The following NF1 variants were observed in gnomAD, a reference collection of about 807,000 sequenced individuals.
NF1 encodes neurofibromin.
Under a neutral mutation model 325.7 loss-of-function variants are expected in NF1, and 122 were observed. The ratio of observed to expected loss-of-function variants is 0.37; its 90% CI spans 0.32 to 0.44. The LOEUF is 0.44. Among genes scored for constraint, NF1 ranks in the 20% least tolerant of loss-of-function variants. The pLI is 1.00. For missense variants in NF1, 2,140 were observed against 3,415.4 expected (o/e 0.63, Z 9.31); for synonymous variants, 1,091 against 1,186.0 (o/e 0.92, Z 1.65).
intron 36 of NF1, among the ~76,000 whole-genome samples, chr17:31,283,301 C>T (rs1191473332): frequency 1.3e-5 from 2 of 151,878 alleles, no homozygotes; most frequent in Non-Finnish European, 2.9e-5. Flanking sequence ...CCTGTAGTCC[C>T]AGCTACTCGG....
rs148049537 is a variant in NF1, at chr17:31,279,316, C to T, written c.4835+13977C>T. Among the ~76,000 whole-genome samples, 13 of 152,308 alleles carry T rather than the reference C, an allele frequency of 8.5e-5. No homozygotes were observed. In the East Asian group the frequency reaches 1.3e-3, roughly 16 times the overall value. ...TATTTCTGAAAGCAGTTCAGGCCTA[C>T]AGCCATACCACCCTGAATGCACCTG... On this transcript the variant is annotated intron_variant, in intron 36 of 57. Coordinates refer to ENST00000358273, the MANE Select transcript of NF1 (RefSeq NM_001042492.3).
chr17:31,275,147 G>C (rs186677508), intron 36 of NF1, among the ~76,000 whole-genome samples: 11 of 152,236 alleles, frequency 7.2e-5, no homozygotes, highest in Admixed American at 5.9e-4. Flanking sequence ...CACCAACTTT[G>C]TATCTTTGTG....
At chr17:31,200,302 A>G in intron 8 of NF1, 120 bp from the exon 9 acceptor site, 3 of 839,746 alleles carry the variant, frequency 3.6e-6, no homozygotes, top group Non-Finnish European at 5.6e-6. Context: ...AACCACAAAT[A>G]TAAATTATGC....
chr17:31,251,856 G>A (rs2076732013), intron 30 of NF1: 1 of 216,400 alleles, frequency 4.6e-6, no homozygotes, highest in East Asian at 6.8e-5. Context: ...GGATGAATGG[G>A]TGGGTGGATG....
intron 3 of NF1, among the ~76,000 whole-genome samples, chr17:31,162,192 A>G (rs959489775): frequency 1.3e-5 from 2 of 151,886 alleles, no homozygotes; most frequent in African/African-American, 4.8e-5. Context: ...AGTGGTGAAT[A>G]TGGGCCAGGC....
At chr17:31,371,807 A>G (rs1221991377) in intron 57 of NF1, among the ~76,000 whole-genome samples, 1 of 152,230 alleles carries the variant, frequency 6.6e-6, no homozygotes, top group African/African-American at 2.4e-5. Flanking sequence ...ACATGTTCAT[A>G]AACAGTCACT....
At chr17:31,341,542 A>G (rs887194663) in intron 47 of NF1, among the ~76,000 whole-genome samples, 1 of 152,036 alleles carries the variant, frequency 6.6e-6, no homozygotes, top group African/African-American at 2.4e-5. Context: ...GTGTGTATAC[A>G]TATATTACAT....
intron 8 of NF1, among the ~76,000 whole-genome samples, chr17:31,192,255 C>G (rs1479537246): frequency 2.0e-5 from 3 of 152,212 alleles, no homozygotes; most frequent in Admixed American, 2.0e-4. Context: ...GCCCGTGACA[C>G]AGCCATCAGG....
intron 1 of NF1, among the ~76,000 whole-genome samples, chr17:31,142,329 T>G (rs757498794): frequency 2.0e-5 from 3 of 152,178 alleles, no homozygotes; most frequent in Non-Finnish European, 2.9e-5. Flanking sequence ...TTTTCCTCAA[T>G]TGTGTGAAAG....
intron 36 of NF1, among the ~76,000 whole-genome samples, chr17:31,286,582 G>A (rs4795593): frequency 1.3e-5 from 2 of 151,930 alleles, no homozygotes; most frequent in African/African-American, 2.4e-5. Context: ...GGAAATTTTA[G>A]CTCCTATAAA....
At chr17:31,108,539 G>A (rs1428154744) in intron 1 of NF1, among the ~76,000 whole-genome samples, 1 of 152,170 alleles carries the variant, frequency 6.6e-6, no homozygotes, top group African/African-American at 2.4e-5. Flanking sequence ...GTCTCCCAAA[G>A]TGCTGGGATT....
At chr17:31,195,831 T>C (rs2066425625) in intron 8 of NF1, among the ~76,000 whole-genome samples, 2 of 152,140 alleles carry the variant, frequency 1.3e-5, no homozygotes, top group Non-Finnish European at 2.9e-5. Context: ...TCTAAATTCA[T>C]CTGCCAATGG....
chr17:31,295,032 C>T, intron 36 of NF1: 1 of 1,614,120 alleles, frequency 6.2e-7, no homozygotes, highest in Non-Finnish European at 8.5e-7. Context: ...ATGACCACAA[C>T]ATTGAGCAAT....
At chr17:31,122,654 C>T (rs1477169191) in intron 1 of NF1, among the ~76,000 whole-genome samples, 1 of 152,176 alleles carries the variant, frequency 6.6e-6, no homozygotes, top group African/African-American at 2.4e-5. Context: ...ATTTCTACCT[C>T]TGTAATTTCA....
intron 1 of NF1, among the ~76,000 whole-genome samples, chr17:31,127,835 C>CT (rs1567801791): frequency 6.6e-6 from 1 of 151,170 alleles, no homozygotes; most frequent in Non-Finnish European, 1.5e-5. Flanking sequence ...TATCTTCAAT[C>CT]TTTTTTTTTC....
chr17:31,154,749 T>A (rs1917203585), intron 1 of NF1, among the ~76,000 whole-genome samples: 1 of 148,028 alleles, frequency 6.8e-6, no homozygotes, highest in South Asian at 2.1e-4. Context: ...TTTTTTTTTT[T>A]TTTTTATTTG....
chr17:31,319,692 C>G (rs2069127206), intron 36 of NF1, among the ~76,000 whole-genome samples: 1 of 150,288 alleles, frequency 6.7e-6, no homozygotes, highest in Non-Finnish European at 1.5e-5. Context: ...TTATATTTCC[C>G]TGGACTGACT....
chr17:31,118,061 G>T (rs1169774214), intron 1 of NF1, among the ~76,000 whole-genome samples: 3 of 151,424 alleles, frequency 2.0e-5, no homozygotes, highest in Non-Finnish European at 4.4e-5. Flanking sequence ...ATACATGGTT[G>T]TTTTTTAAAC....
At chr17:31,212,407 A>G (rs1277027990) in intron 12 of NF1, among the ~76,000 whole-genome samples, 2 of 152,360 alleles carry the variant, frequency 1.3e-5, no homozygotes, top group South Asian at 2.1e-4. Flanking sequence ...GAGTATAACA[A>G]TACAAAGTAT....
Sources: allele counts gnomAD v4.1 joint callset (sites outside exome capture counted in the v4.1 genomes callset), GRCh38; gene constraint gnomAD v4.1.1; transcripts MANE v1.5; gene names NCBI Gene and HGNC (gene_info 2026-07-23, HGNC 2026-07-21).